The following OSBPL1A variants were observed in gnomAD, a reference collection of about 807,000 sequenced individuals.
OSBPL1A encodes oxysterol binding protein like 1A, also known as oxysterol-binding protein-related protein 1.
A neutral mutation model predicts 137.1 loss-of-function variants in OSBPL1A; 80 were observed. The ratio of observed to expected loss-of-function variants is 0.58; its 90% CI spans 0.49 to 0.70. The LOEUF is 0.70. Ranked by LOEUF, OSBPL1A falls within the 30% of genes least tolerant of loss-of-function variation. OSBPL1A has a pLI of 0.00. For synonymous variants in OSBPL1A, 365 were observed against 389.7 expected (o/e 0.94, Z 0.75); for missense variants, 970 against 1,129.4 (o/e 0.86, Z 2.02).
intron 7 of OSBPL1A, among the ~76,000 whole-genome samples, chr18:24,330,705 T>A (rs2091061803): frequency 6.6e-6 from 1 of 152,046 alleles, no homozygotes; most frequent in South Asian, 2.1e-4. Context: ...ATTACAGGCG[T>A]GAGCCACAGT....
In OSBPL1A at chr18:24,271,727, C is replaced by CCGAGG; in HGVS notation, c.1281+9110_1281+9114dup. On this transcript the variant is annotated intron_variant, in intron 15 of 27. Coordinates refer to ENST00000319481, the MANE Select transcript of OSBPL1A (RefSeq NM_080597.4). The surrounding 1 kb of genome is among the most constrained non-coding windows in gnomAD (Gnocchi z 4.0). Reference sequence around the variant, plus strand: ...CTCCTCCTCCTCCCCTCCAGTCGAGCCGAGGCGAGCCGATCCGGGAGGCGC... The same window carrying CCGAGG: ...CTCCTCCTCCTCCCCTCCAGTCGAGCCGAGGCGAGGCGAGCCGATCCGGGAGGCGC... 1 of 985,340 alleles carries CCGAGG rather than the reference C, an allele frequency of 1.0e-6. No homozygotes were observed. Among genetic ancestry groups the CCGAGG allele is most frequent in the Non-Finnish European group, 1.2e-6 (1 of 829,886 alleles). The allele number at this position is 985,340 out of a possible 1,614,324, so 61.0% of individuals were successfully genotyped here. A position where few individuals can be genotyped will look rare whatever the true frequency, so the allele number is the denominator to read the frequency against.
chr18:24,358,220 C>T, intron 4 of OSBPL1A: 1 of 497,664 alleles, frequency 2.0e-6, no homozygotes, highest in Non-Finnish European at 3.5e-6. Flanking sequence ...TATCCAGGGG[C>T]TCAGACCTCC....
chr18:24,180,830 T>C (rs1196848176), intron 19 of OSBPL1A, among the ~76,000 whole-genome samples: 4 of 151,936 alleles, frequency 2.6e-5, no homozygotes, highest in Non-Finnish European at 4.4e-5. Flanking sequence ...TGAGCCGAGA[T>C]TGCACCACTG....
At chr18:24,377,317 T>C (rs750511701) in intron 2 of OSBPL1A, 96 bp downstream of exon 2, 2 of 1,391,376 alleles carry the variant, frequency 1.4e-6, no homozygotes, top group South Asian at 1.6e-5. Flanking sequence ...GAGATAGAGA[T>C]TAATTACATG....
intron 15 of OSBPL1A, among the ~76,000 whole-genome samples, chr18:24,257,114 A>G (rs1279907335): frequency 6.6e-6 from 1 of 152,156 alleles, no homozygotes; most frequent in African/African-American, 2.4e-5. Context: ...CTTCACAGAA[A>G]TAGAAAAAAA....
At position 24,239,280 on chromosome 18, in the gene OSBPL1A, C is replaced by A; in HGVS notation, c.1384G>T (p.Val462Leu). 2 of 1,614,080 alleles carry A rather than the reference C, an allele frequency of 1.2e-6. No individual in the cohort carries two copies. The highest frequency in any genetic ancestry group is 1.7e-6 in the Non-Finnish European group (2 of 1,179,966). The stretch of plus-strand genomic sequence containing the variant: ...ATGCTGGCGGGTGGAGAGCCTTTCA[C>A]CAGAGACTGCTCTAATTCATGATGT... ...TEHHELEQSL[V>L]KGSPPASILS... The change falls in exon 16 of 28, where the codon GTG (valine) becomes TTG (leucine). Residue 462 changes from valine (V) to leucine (L), a missense_variant. Physicochemically the swap from Val to Leu is conservative, Grantham distance 32. Coordinates refer to ENST00000319481, the MANE Select transcript of OSBPL1A (RefSeq NM_080597.4).
At chr18:24,297,532 G>A (rs1176315941) in intron 14 of OSBPL1A, among the ~76,000 whole-genome samples, 1 of 152,092 alleles carries the variant, frequency 6.6e-6, no homozygotes, top group Admixed American at 6.5e-5. Flanking sequence ...GGCATTAAAC[G>A]CTACGAACTT....
chr18:24,339,392 T>C (rs188602509), intron 5 of OSBPL1A, among the ~76,000 whole-genome samples: 126 of 152,334 alleles, frequency 8.3e-4, no homozygotes, highest in Middle Eastern at 3.4e-3. Flanking sequence ...TGTTATTATA[T>C]GTGGGTAAGG....
At chr18:24,267,134 T>A (rs1048554300) in intron 15 of OSBPL1A, among the ~76,000 whole-genome samples, 1 of 148,440 alleles carries the variant, frequency 6.7e-6, no homozygotes, top group Non-Finnish European at 1.5e-5. Flanking sequence ...AGATATATAA[T>A]TACAGATCCA....
intron 15 of OSBPL1A, among the ~76,000 whole-genome samples, chr18:24,269,528 G>A (rs570847643): frequency 6.6e-6 from 1 of 151,920 alleles, no homozygotes; most frequent in South Asian, 2.1e-4. Context: ...TTTCTTATAA[G>A]GTAAACAATC....
chr18:24,313,652 C>T (rs2090666641), intron 12 of OSBPL1A, among the ~76,000 whole-genome samples: 2 of 152,130 alleles, frequency 1.3e-5, no homozygotes, highest in Admixed American at 1.3e-4. Context: ...GTTTCCTCAC[C>T]TATAAGTTAA....
At chr18:24,341,378 C>T (rs936074300) in intron 5 of OSBPL1A, among the ~76,000 whole-genome samples, 169 bp downstream of exon 5, 3 of 152,156 alleles carry the variant, frequency 2.0e-5, no homozygotes, top group Admixed American at 6.6e-5. Context: ...AGTGAAGAAA[C>T]TATCATATAG....
intron 16 of OSBPL1A, among the ~76,000 whole-genome samples, chr18:24,231,832 A>G (rs1472432407): frequency 2.0e-5 from 3 of 152,256 alleles, no homozygotes; most frequent in African/African-American, 7.2e-5. Flanking sequence ...GGCTGAAAGA[A>G]GAGGCCATAA....
intron 15 of OSBPL1A, among the ~76,000 whole-genome samples, chr18:24,265,684 G>C (rs1009360205): frequency 6.6e-6 from 1 of 152,062 alleles, no homozygotes; most frequent in Non-Finnish European, 1.5e-5. Context: ...AAGAACAGCT[G>C]ACGTCACCAG....
intron 7 of OSBPL1A, 55 bp downstream of exon 7, chr18:24,332,887 G>C: frequency 6.3e-7 from 1 of 1,589,450 alleles, no homozygotes; most frequent in Non-Finnish European, 8.6e-7. Context: ...ATATGGCATT[G>C]ACTTCATTTT....
chr18:24,261,362 C>A (rs2089442259), intron 15 of OSBPL1A, among the ~76,000 whole-genome samples: 1 of 152,026 alleles, frequency 6.6e-6, no homozygotes, highest in Non-Finnish European at 1.5e-5. Flanking sequence ...CTAGTGCAAG[C>A]ACATGTCAAA....
At chr18:24,321,040 A>G (rs201487204) in intron 7 of OSBPL1A, among the ~76,000 whole-genome samples, 18 of 146,028 alleles carry the variant, frequency 1.2e-4, no homozygotes, top group African/African-American at 1.8e-4. Flanking sequence ...AAAAAAAAAA[A>G]AAAAAGAAAA....
At position 24,344,302 on chromosome 18, in the gene OSBPL1A, T is replaced by C. The variant is rs549572268; in HGVS notation, c.283-2644A>G. 5.9e-5 allele frequency among the ~76,000 whole-genome samples: 9 copies of C among 152,078 alleles called. No individual in the cohort carries two copies. The East Asian group carries it at 1.7e-3, about 29-fold the overall frequency. ...TGGTCCCTACCAAAAATACAAAAAT[T>C]AGCCGGGCATGGTGGCATATGCCGG... is the stretch of plus-strand genomic sequence containing the variant. On this transcript the variant is annotated intron_variant, in intron 4 of 27. Coordinates refer to ENST00000319481, the MANE Select transcript of OSBPL1A (RefSeq NM_080597.4).
intron 14 of OSBPL1A, among the ~76,000 whole-genome samples, chr18:24,293,544 G>A (rs1450663277): frequency 6.6e-6 from 1 of 152,188 alleles, no homozygotes; most frequent in Non-Finnish European, 1.5e-5. Flanking sequence ...AGCGCAGGAG[G>A]CCAGGAAAAT....
Sources: gnomAD v4.1 joint callset for allele counts (sites outside exome capture counted in the v4.1 genomes callset) on GRCh38, gnomAD v4.1.1 for gene constraint, Gnocchi (gnomAD v3.1) non-coding constraint, MANE v1.5 for transcripts, NCBI Gene and HGNC (gene_info 2026-07-23, HGNC 2026-07-21) for gene names.